The following PISD variants were observed in gnomAD, a reference collection of about 807,000 sequenced individuals.
The protein encoded by PISD is phosphatidylserine decarboxylase.
A neutral mutation model predicts 43.5 loss-of-function variants in PISD; 31 were observed. That is an observed-to-expected ratio of 0.71 (90% CI 0.54 to 0.96). The LOEUF (loss-of-function observed/expected upper bound fraction) is 0.96, where lower values mean the gene tolerates loss of function less well. Ranked by LOEUF, PISD falls within the 40% of genes least tolerant of loss-of-function variation. The pLI, the probability that PISD is intolerant of heterozygous loss-of-function variation, is 0.00. For missense variants in PISD, 523 were observed against 548.4 expected (o/e 0.95, Z 0.46); for synonymous variants, 259 against 228.7 (o/e 1.13, Z -1.20).
intron 1 of PISD, among the ~76,000 whole-genome samples, chr22:31,658,956 CA>C (rs1367763598): frequency 6.6e-6 from 1 of 151,470 alleles, no homozygotes; most frequent in African/African-American, 2.4e-5. Context: ...TGGGCTCAGG[CA>C]ATCCTCCTAC....
At chr22:31,652,388 G>T (rs5998072) in intron 1 of PISD, among the ~76,000 whole-genome samples, 45,816 of 151,398 alleles carry the variant, frequency 0.3, 8,264 homozygotes, top group African/African-American at 0.52. Flanking sequence ...GCCTCGGCCC[G>T]CCAAAGTGCT....
chr22:31,626,163 C>T, intron 3 of PISD: 2 of 610,298 alleles, frequency 3.3e-6, no homozygotes, highest in South Asian at 3.1e-5. Context: ...GCTGAGCCAG[C>T]CTGCACTGCT....
chr22:31,622,004 C>A, intron 3 of PISD, 119 bp from the exon 4 acceptor site: 1 of 756,140 alleles, frequency 1.3e-6, no homozygotes, highest in South Asian at 1.6e-5. Flanking sequence ...CGGAGGACAC[C>A]AGGGCCCAGG....
At chr22:31,624,136 G>A (rs912364313) in intron 3 of PISD, among the ~76,000 whole-genome samples, 1 of 152,170 alleles carries the variant, frequency 6.6e-6, no homozygotes, top group East Asian at 1.9e-4. Context: ...GCCGCAAGAG[G>A]AGAGTCAGGC....
chr22:31,659,832 T>C (rs2074272051), intron 1 of PISD, among the ~76,000 whole-genome samples: 3 of 152,118 alleles, frequency 2.0e-5, no homozygotes, highest in Admixed American at 1.3e-4. Flanking sequence ...TCCACCCACC[T>C]TGGCCTCCCA....
chr22:31,621,161 C>T lies in PISD; in HGVS notation c.698-19G>A, dbSNP rs369803974. The T allele has an allele frequency of 5.1e-5, 82 of 1,614,066 alleles. No homozygotes were observed. Among genetic ancestry groups the T allele is most frequent in the Admixed American group, 1.8e-4 (11 of 60,010 alleles). On this transcript the variant is annotated intron_variant, in intron 5 of 7. Coordinates refer to ENST00000439502, the MANE Select transcript of PISD (RefSeq NM_001326411.2). ...GACGCGGCTGTGGAGTAGGAGCAGACGTGGGGGCCACCAACACAGTGAGCA... is the reference window on the plus strand; with the variant it reads ...GACGCGGCTGTGGAGTAGGAGCAGATGTGGGGGCCACCAACACAGTGAGCA...
chr22:31,641,251 T>A (rs1448237735), intron 3 of PISD, among the ~76,000 whole-genome samples: 1 of 152,104 alleles, frequency 6.6e-6, no homozygotes, highest in African/African-American at 2.4e-5. Flanking sequence ...CATTTTCACT[T>A]AAAGAAGGCA....
rs1247328684 is a variant in PISD, at chr22:31,648,112, C to T, written c.310G>A (p.Gly104Ser). 1 of 1,611,152 alleles carries T rather than the reference C, an allele frequency of 6.2e-7. No individual in the cohort carries two copies. The highest frequency in any genetic ancestry group is 8.5e-7 in the Non-Finnish European group (1 of 1,179,536). ...CACCTCATTCCTACCTCCCAGTGACCAGCAAGTTTGGGTGGAATCTCCAAT... is the reference window on the plus strand; with the variant it reads ...CACCTCATTCCTACCTCCCAGTGACTAGCAAGTTTGGGTGGAATCTCCAAT... Reference protein sequence around the residue: ...LGLEIPPKLAGHWEVALYKSV... With the variant: ...LGLEIPPKLASHWEVALYKSV... The change falls in exon 3 of 8, where the codon GGT (glycine) becomes AGT (serine). Residue 104 changes from glycine (G) to serine (S), a missense_variant. Coordinates refer to ENST00000439502, the MANE Select transcript of PISD (RefSeq NM_001326411.2).
rs773506084 is a variant in PISD at position 31,648,908 on chromosome 22, A to C, written c.146-632T>G. On this transcript the variant is annotated intron_variant, in intron 2 of 7. Coordinates refer to ENST00000439502, the MANE Select transcript of PISD (RefSeq NM_001326411.2). Reference sequence around the variant, plus strand: ...GTCAAGAAACTAATCAAGGTTGCCCAGGTGGTCACCAACAGGTCCAGAACT... The same window carrying C: ...GTCAAGAAACTAATCAAGGTTGCCCCGGTGGTCACCAACAGGTCCAGAACT... Among the ~76,000 whole-genome samples, 122 of 152,194 alleles carry C rather than the reference A, an allele frequency of 8.0e-4. 1 individual carries two copies. Among genetic ancestry groups the C allele is most frequent in the Non-Finnish European group, 1.4e-3 (94 of 68,022 alleles).
At chr22:31,622,873 C>A (rs534998979) in intron 3 of PISD, among the ~76,000 whole-genome samples, 1 of 152,344 alleles carries the variant, frequency 6.6e-6, no homozygotes, top group East Asian at 1.9e-4. Context: ...TCTCTAAACA[C>A]AACCAAGACA....
intron 1 of PISD, among the ~76,000 whole-genome samples, chr22:31,659,741 G>A (rs1050057042): frequency 6.6e-6 from 1 of 151,912 alleles, no homozygotes; most frequent in African/African-American, 2.4e-5. Flanking sequence ...ACAGACACAC[G>A]CCACCACACC....
Position 31,648,293 on chromosome 22 carries a change from G to A in PISD, c.146-17C>T. On this transcript the variant is annotated splice_polypyrimidine_tract_variant and intron_variant, in intron 2 of 7. Transcript: ENST00000439502. ...TTCTGGCATCTGTAATAAAAAACAG[G>A]ACAATTTCAAGCCTGAGAGACAGGA... 6.3e-7 allele frequency: 1 copy of A among 1,588,280 alleles called. No individual in the cohort carries two copies. Among genetic ancestry groups the A allele is most frequent in the Non-Finnish European group, 8.6e-7 (1 of 1,167,434 alleles).
chr22:31,633,915 C>G (rs1452038303), intron 3 of PISD, among the ~76,000 whole-genome samples: 3 of 152,172 alleles, frequency 2.0e-5, no homozygotes, highest in Non-Finnish European at 2.9e-5. Flanking sequence ...ACTTTCCTAC[C>G]TTGTATTTAT....
intron 3 of PISD, among the ~76,000 whole-genome samples, chr22:31,635,445 G>T (rs2073399630): frequency 1.3e-5 from 2 of 152,116 alleles, no homozygotes; most frequent in Non-Finnish European, 2.9e-5. Flanking sequence ...TGGGACTACA[G>T]GTACCTGCCA....
At chr22:31,658,286 C>T (rs1256400688) in intron 1 of PISD, among the ~76,000 whole-genome samples, 1 of 152,224 alleles carries the variant, frequency 6.6e-6, no homozygotes, top group Non-Finnish European at 1.5e-5. Flanking sequence ...AATCTCAGCG[C>T]TGCCACTTCT....
chr22:31,632,222 G>T, intron 3 of PISD: 1 of 985,230 alleles, frequency 1.0e-6, no homozygotes, highest in Non-Finnish European at 1.2e-6. Flanking sequence ...ACAAGCCACA[G>T]CCCTGGGATG....
Position 31,619,658 on chromosome 22 carries a change from T to C in PISD, c.1184A>G (p.Lys395Arg). ...EAPKDFNFQL[K>R]TGQKIRFGEA... is the part of the protein sequence containing the mutation. ...CCCAAAGCGGATTTTCTGTCCTGTT[T>C]TCAGCTGGAAATTGAAGTCCTTGGG... is the stretch of plus-strand genomic sequence containing the variant. The change falls in exon 8 of 8, where the codon AAA becomes AGA. Residue 395 changes from lysine (K) to arginine (R), a missense_variant. Transcript: ENST00000439502. 6.2e-7 allele frequency: 1 copy of C among 1,614,244 alleles called. No homozygotes were observed. Among genetic ancestry groups the C allele is most frequent in the Non-Finnish European group, 8.5e-7 (1 of 1,180,046 alleles).
At chr22:31,661,038 G>A (rs569812197) in intron 1 of PISD, among the ~76,000 whole-genome samples, 1 of 152,256 alleles carries the variant, frequency 6.6e-6, no homozygotes, top group South Asian at 2.1e-4. Context: ...CCCAGCCTGT[G>A]ACACACTTTA....
chr22:31,618,691 C>A lies in PISD; in HGVS notation c.*921G>T. On this transcript the variant is annotated 3_prime_UTR_variant, in exon 8 of 8. Transcript: ENST00000439502. ...CCTGTCCCCGCCACTGGGGGCTCCC[C>A]AGGCCTGCGTTCCTGATAAACTGGG... The A allele has an allele frequency of 2.9e-6, 1 of 340,344 alleles. No individual in the cohort carries two copies. Among genetic ancestry groups the A allele is most frequent in the Non-Finnish European group, 5.3e-6 (1 of 189,332 alleles). The allele number at this position is 340,344 out of a possible 1,614,324, so 21.1% of individuals were successfully genotyped here. A position where few individuals can be genotyped will look rare whatever the true frequency, so the allele number is the denominator to read the frequency against.
Sources: gnomAD v4.1 joint callset for allele counts (sites outside exome capture counted in the v4.1 genomes callset) on GRCh38, gnomAD v4.1.1 for gene constraint, MANE v1.5 for transcripts, NCBI Gene and HGNC (gene_info 2026-07-23, HGNC 2026-07-21) for gene names.